SLC45A1: variants seen among roughly 807,000 people sequenced by gnomAD.
SLC45A1 encodes the protein solute carrier family 45 member 1.
In SLC45A1, 28 loss-of-function variants were observed where a neutral mutation model predicts 57.6. That is an observed-to-expected ratio of 0.49 (90% CI 0.36 to 0.67). SLC45A1 has a LOEUF of 0.67. Among genes scored for constraint, SLC45A1 ranks in the 30% least tolerant of loss-of-function variants. The pLI is 0.00. For missense variants in SLC45A1, 814 were observed against 1,041.5 expected, an observed-to-expected ratio of 0.78 and a Z score of 3.01; for synonymous variants, 459 against 471.5, an observed-to-expected ratio of 0.97 and a Z score of 0.34.
intron 8 of SLC45A1, among the ~76,000 whole-genome samples, chr1:8,341,060 C>T (rs879526364): frequency 9.2e-5 from 14 of 151,840 alleles, no homozygotes; most frequent in East Asian, 1.9e-4. Flanking sequence ...GGCATGGTGG[C>T]GCGTGCCTCT....
chr1:8,328,694 C>T lies in SLC45A1; in HGVS notation c.716-1515C>T, dbSNP rs1436796233. ...TCTCTACTAAACATACAAAAATTAG[C>T]CGGGCGTGGTGGTGAGCGCCTGTAA... On this transcript the variant is annotated intron_variant, in intron 4 of 8. Transcript: ENST00000471889. The surrounding 1 kb of genome is among the most constrained non-coding windows in gnomAD (Gnocchi z 4.6). 1.3e-5 allele frequency among the ~76,000 whole-genome samples: 2 copies of T among 151,998 alleles called. No individual in the cohort carries two copies. Among genetic ancestry groups the T allele is most frequent in the Non-Finnish European group, 2.9e-5 (2 of 67,996 alleles).
At position 8,330,366 on chromosome 1, in the gene SLC45A1, G is replaced by A. The variant is rs760878722; in HGVS notation, c.873G>A (p.Arg291=). Residue 291 remains arginine, a synonymous_variant, in exon 5 of 9, where the codon AGG becomes AGA. Transcript: ENST00000471889. The surrounding 1 kb of genome is among the most constrained non-coding windows in gnomAD (Gnocchi z 8.4). ...TGACCCTGGTCAGCATCCCTGAGAG[G>A]CCGCTGCGGCCGCCGAGTGAGAAGC... ...TVLTLVSIPE[R]PLRPPSEKRA... 2 of 1,613,012 alleles carry A rather than the reference G, an allele frequency of 1.2e-6. No individual in the cohort carries two copies. Among genetic ancestry groups the A allele is most frequent in the East Asian group, 4.5e-5 (2 of 44,856 alleles).
At chr1:8,319,786 A>G (rs1639942366) in intron 1 of SLC45A1, among the ~76,000 whole-genome samples, 2 of 152,058 alleles carry the variant, frequency 1.3e-5, no homozygotes. Context: ...GTGCGATCTC[A>G]GCTCGCTACA....
chr1:8,343,040 T>A lies in SLC45A1; in HGVS notation c.1981-707T>A, dbSNP rs1640879896. Among the ~76,000 whole-genome samples, 1 of 152,090 alleles carries A rather than the reference T, an allele frequency of 6.6e-6. No individual in the cohort carries two copies. Among genetic ancestry groups the A allele is most frequent in the East Asian group, 1.9e-4 (1 of 5,180 alleles). On this transcript the variant is annotated intron_variant, in intron 8 of 8. Coordinates refer to ENST00000471889, the MANE Select transcript of SLC45A1 (RefSeq NM_001080397.3). This position sits in a 1 kb window ranked among gnomAD's most constrained non-coding sequence, Gnocchi z 7.7. ...CTGATTTGTTTTAGGGAGTTTGGAG[T>A]CTGACAAGTTCAGCTGGGCTGGCCC...
chr1:8,326,422 A>G lies in SLC45A1; in HGVS notation c.715+380A>G, dbSNP rs1024074844. On this transcript the variant is annotated intron_variant, in intron 4 of 8. Transcript: ENST00000471889. The surrounding 1 kb of genome is among the most constrained non-coding windows in gnomAD (Gnocchi z 5.5). ...TCACAACGTTTTCATCAACGGATCA[A>G]CACATAACCTTGTTGTATGTGTTTC... Among the ~76,000 whole-genome samples, 1 of 152,226 alleles carries G rather than the reference A, an allele frequency of 6.6e-6. No individual in the cohort carries two copies. Among genetic ancestry groups the G allele is most frequent in the Non-Finnish European group, 1.5e-5 (1 of 68,046 alleles).
In SLC45A1 at chr1:8,324,191, A is replaced by G. The variant is rs145482282; in HGVS notation, c.-24-115A>G. On this transcript the variant is annotated intron_variant, in intron 1 of 8. Transcript: ENST00000471889. ...CCGGAGCATCAACCATGAGCAGTGC[A>G]TTCTGCTTTCGGGGGATGGTGTTTG... 673 of 966,980 alleles carry G rather than the reference A, an allele frequency of 7.0e-4. 4 individuals carry two copies. In the African/African-American group the frequency reaches 9.8e-3, roughly 14 times the overall value. 59.9% of individuals were successfully genotyped at this position (966,980 alleles called of 1,614,324 possible).
intron 1 of SLC45A1, among the ~76,000 whole-genome samples, chr1:8,321,528 C>T (rs991525309): frequency 2.6e-5 from 4 of 152,148 alleles, no homozygotes; most frequent in African/African-American, 9.7e-5. Context: ...ATTCTACCCC[C>T]CAGGAAGGCC....
At chr1:8,333,316 A>T (rs1023732407) in intron 5 of SLC45A1, among the ~76,000 whole-genome samples, 9 of 151,468 alleles carry the variant, frequency 5.9e-5, no homozygotes, top group Admixed American at 6.6e-5. Context: ...TTTTTAAAAA[A>T]TGTAGAGACA....
rs1158370590 is a variant in SLC45A1 at position 8,324,668 on chromosome 1, G to A, written c.339G>A (p.Leu113=). 2.5e-6 allele frequency: 4 copies of A among 1,597,178 alleles called. No homozygotes were observed. The African/African-American group carries it at 5.4e-5, about 21-fold the overall frequency. The change falls in exon 2 of 9, where the codon CTG becomes CTA. Residue 113 remains leucine (L), a synonymous_variant. Coordinates refer to ENST00000471889, the MANE Select transcript of SLC45A1 (RefSeq NM_001080397.3). ...CGGCGTACGTGACCCCGGTGCTCCT[G>A]CAGATGGGCCTGCCCGACCAGCTCT... ...METAYVTPVL[L]QMGLPDQLYS...
chr1:8,318,447 GA>G (rs1639891801), intron 1 of SLC45A1, among the ~76,000 whole-genome samples: 1 of 152,258 alleles, frequency 6.6e-6, no homozygotes, highest in Admixed American at 6.5e-5. Context: ...GCAAGGGGAG[GA>G]GACCCCGGCC....
intron 4 of SLC45A1, chr1:8,329,995 C>T (rs1467372811): frequency 1.7e-6 from 1 of 597,042 alleles, no homozygotes; most frequent in Non-Finnish European, 2.9e-6. Context: ...CAGGAAGGGC[C>T]CTGCAGGTGG....
Position 8,335,114 on chromosome 1 carries a change from CAT to C in SLC45A1, c.1444-322_1444-321del, listed in dbSNP as rs1640563651. ...CTAGGCGTGTGGATCTGAACTGACC[CAT>C]GTTTTTTCATTTCAAATGTATTTTG... On this transcript the variant is annotated intron_variant, in intron 5 of 8. Coordinates refer to ENST00000471889, the MANE Select transcript of SLC45A1 (RefSeq NM_001080397.3). This position sits in a 1 kb window ranked among gnomAD's most constrained non-coding sequence, Gnocchi z 4.1. Among the ~76,000 whole-genome samples the C allele has an allele frequency of 6.6e-6, 1 of 152,150 alleles. No homozygotes were observed. Among genetic ancestry groups the C allele is most frequent in the African/African-American group, 2.4e-5 (1 of 41,418 alleles).
Position 8,326,181 on chromosome 1 carries a change from T to C in SLC45A1, c.715+139T>C, listed in dbSNP as rs1241881748. On this transcript the variant is annotated intron_variant, in intron 4 of 8. Coordinates refer to ENST00000471889, the MANE Select transcript of SLC45A1 (RefSeq NM_001080397.3). This position sits in a 1 kb window ranked among gnomAD's most constrained non-coding sequence, Gnocchi z 5.5. ...AATACATGGAGAAACACTGAAGTGA[T>C]TGAAAATACATATCTCACACAACAC... 1 of 659,438 alleles carries C rather than the reference T, an allele frequency of 1.5e-6. No individual in the cohort carries two copies. The highest frequency in any genetic ancestry group is 2.6e-6 in the Non-Finnish European group (1 of 385,936). The allele number at this position is 659,438 out of a possible 1,614,324, so 40.8% of individuals were successfully genotyped here. A position where few individuals can be genotyped will look rare whatever the true frequency, so the allele number is the denominator to read the frequency against.
At chr1:8,337,640 G>T (rs1486722798) in intron 6 of SLC45A1, among the ~76,000 whole-genome samples, 176 bp from the exon 7 acceptor site, 1 of 152,098 alleles carries the variant, frequency 6.6e-6, no homozygotes, top group Non-Finnish European at 1.5e-5. Context: ...GGATGGTCTC[G>T]ATTTCCTGAC....
chr1:8,331,948 A>G (rs1164486773), intron 5 of SLC45A1, among the ~76,000 whole-genome samples: 1 of 151,416 alleles, frequency 6.6e-6, no homozygotes, highest in African/African-American at 2.4e-5. Flanking sequence ...GCCCGCCACC[A>G]CTCCTGGCTA....
Position 8,330,221 on chromosome 1 carries a change from G to A in SLC45A1, c.728G>A (p.Gly243Asp), listed in dbSNP as rs1254831740. ...IHALLAGLGG[G>D]FGYVVGGIHW... ...TCTCTTTCCCCAGGTCTCGGAGGAG[G>A]CTTTGGATACGTGGTCGGCGGAATC... Residue 243 changes from glycine to aspartate, a missense_variant, in exon 5 of 9, where the codon GGC (glycine) becomes GAC (aspartate). Transcript: ENST00000471889. This position sits in a 1 kb window ranked among gnomAD's most constrained non-coding sequence, Gnocchi z 8.4. 1 of 1,613,536 alleles carries A rather than the reference G, an allele frequency of 6.2e-7. No homozygotes were observed. Among genetic ancestry groups the A allele is most frequent in the Non-Finnish European group, 8.5e-7 (1 of 1,179,802 alleles).
At chr1:8,322,017 GGATGGA>G (rs1640026272) in intron 1 of SLC45A1, among the ~76,000 whole-genome samples, 1 of 82,598 alleles carries the variant, frequency 1.2e-5, no homozygotes, top group Non-Finnish European at 2.6e-5. Flanking sequence ...ATGGATGGAT[GGATGGA>G]TGGATGGGTG....
At chr1:8,340,782 A>G (rs1255266703) in intron 8 of SLC45A1, among the ~76,000 whole-genome samples, 1 of 152,228 alleles carries the variant, frequency 6.6e-6, no homozygotes, top group Non-Finnish European at 1.5e-5. Flanking sequence ...GACAGGCCTG[A>G]GTACCTTATC....
In SLC45A1 at chr1:8,328,489, CCTT is replaced by C. The variant is rs1291953917; in HGVS notation, c.716-1719_716-1717del. The stretch of plus-strand genomic sequence containing the variant: ...AGAGGAAGAAGGACGTCGGTTTTTA[CCTT>C]ACGCCCGTCTATGAGAATGCACCAC... On this transcript the variant is annotated intron_variant, in intron 4 of 8. Coordinates refer to ENST00000471889, the MANE Select transcript of SLC45A1 (RefSeq NM_001080397.3). This position sits in a 1 kb window ranked among gnomAD's most constrained non-coding sequence, Gnocchi z 4.6. 6.6e-6 allele frequency among the ~76,000 whole-genome samples: 1 copy of C among 152,168 alleles called. No individual in the cohort carries two copies. The highest frequency in any genetic ancestry group is 2.4e-5 in the African/African-American group (1 of 41,428).
Sources: gnomAD v4.1 joint callset for allele counts (sites outside exome capture counted in the v4.1 genomes callset) on GRCh38, gnomAD v4.1.1 for gene constraint, Gnocchi (gnomAD v3.1) non-coding constraint, MANE v1.5 for transcripts, NCBI Gene and HGNC (gene_info 2026-07-23, HGNC 2026-07-21) for gene names.